EXOC4: variants seen among roughly 807,000 people sequenced by gnomAD.
EXOC4 encodes the protein exocyst complex component 4, also known as SEC8-like 1.
A neutral mutation model predicts 107.2 loss-of-function variants in EXOC4; 71 were observed. That is an observed-to-expected ratio of 0.66 (90% CI 0.55 to 0.81). EXOC4 has a LOEUF of 0.81. EXOC4 is among the 30% of genes least tolerant of loss of function. EXOC4 has a pLI of 0.00. For synonymous variants in EXOC4, 456 were observed against 441.2 expected (o/e 1.03, Z -0.42); for missense variants, 1,108 against 1,189.6 (o/e 0.93, Z 1.01).
chr7:133,675,209 C>G (rs1794028636), intron 10 of EXOC4, among the ~76,000 whole-genome samples: 1 of 152,108 alleles, frequency 6.6e-6, no homozygotes, highest in African/African-American at 2.4e-5. Context: ...TCTTCTCTGT[C>G]AATTCCATTT....
chr7:133,298,874 A>C (rs1396230195), intron 3 of EXOC4, among the ~76,000 whole-genome samples: 1 of 152,218 alleles, frequency 6.6e-6, no homozygotes, highest in Non-Finnish European at 1.5e-5. Flanking sequence ...AGTAAGATCT[A>C]TGAAAGTAAA....
chr7:133,449,944 A>T (rs1402771375), intron 7 of EXOC4, among the ~76,000 whole-genome samples: 1 of 151,812 alleles, frequency 6.6e-6, no homozygotes, highest in Non-Finnish European at 1.5e-5. Flanking sequence ...TTAGTATCCT[A>T]GTTCCTTTAT....
intron 6 of EXOC4, among the ~76,000 whole-genome samples, chr7:133,373,171 C>A (rs986232182): frequency 6.6e-6 from 1 of 152,160 alleles, no homozygotes; most frequent in Non-Finnish European, 1.5e-5. Flanking sequence ...TATTTCCCTG[C>A]ACCACATTAA....
chr7:133,347,638 C>T (rs1298972119), intron 5 of EXOC4, among the ~76,000 whole-genome samples: 1 of 152,150 alleles, frequency 6.6e-6, no homozygotes, highest in African/African-American at 2.4e-5. Context: ...AGAGTTTTAG[C>T]TAAGCCCTCC....
At chr7:133,355,027 A>G (rs1336219395) in intron 5 of EXOC4, among the ~76,000 whole-genome samples, 1 of 152,162 alleles carries the variant, frequency 6.6e-6, no homozygotes, top group African/African-American at 2.4e-5. Context: ...GGGACTGAGG[A>G]GAATGCCCTA....
At chr7:133,596,264 T>C (rs1011721319) in intron 9 of EXOC4, among the ~76,000 whole-genome samples, 6 of 152,316 alleles carry the variant, frequency 3.9e-5, no homozygotes, top group Non-Finnish European at 8.8e-5. Flanking sequence ...TGAGAATTTG[T>C]GTGATTTCTG....
chr7:133,858,319 C>T (rs73155124), intron 11 of EXOC4, among the ~76,000 whole-genome samples: 1 of 152,094 alleles, frequency 6.6e-6, no homozygotes, highest in African/African-American at 2.4e-5. Flanking sequence ...GACGGGCAGT[C>T]GTACCATGTG....
intron 14 of EXOC4, among the ~76,000 whole-genome samples, chr7:133,961,318 G>T (rs1298556282): frequency 9.5e-6 from 1 of 104,742 alleles, no homozygotes; most frequent in African/African-American, 3.8e-5. Flanking sequence ...ATGGAGTGTT[G>T]CTCTGTTGCC....
At chr7:133,703,738 T>G (rs1192371283) in intron 10 of EXOC4, among the ~76,000 whole-genome samples, 1 of 152,202 alleles carries the variant, frequency 6.6e-6, no homozygotes, top group Non-Finnish European at 1.5e-5. Context: ...TTGGCATCCT[T>G]AATTCCTGTA....
chr7:134,052,503 C>T (rs1440610086), intron 17 of EXOC4, among the ~76,000 whole-genome samples: 1 of 151,372 alleles, frequency 6.6e-6, no homozygotes, highest in African/African-American at 2.4e-5. Context: ...TGTATGTCAG[C>T]ATGGAGGATG....
At chr7:133,881,486 G>A (rs896195420) in intron 11 of EXOC4, among the ~76,000 whole-genome samples, 1 of 152,000 alleles carries the variant, frequency 6.6e-6, no homozygotes, top group African/African-American at 2.4e-5. Flanking sequence ...TTTCACCCCA[G>A]TCCAATTAAC....
intron 9 of EXOC4, among the ~76,000 whole-genome samples, chr7:133,602,699 A>T (rs1030640594): frequency 6.6e-6 from 1 of 152,240 alleles, no homozygotes; most frequent in African/African-American, 2.4e-5. Flanking sequence ...ATGGATGAAC[A>T]GATTGAGGAA....
At chr7:133,548,101 C>G (rs1800517889) in intron 9 of EXOC4, among the ~76,000 whole-genome samples, 1 of 152,174 alleles carries the variant, frequency 6.6e-6, no homozygotes, top group South Asian at 2.1e-4. Flanking sequence ...GCTGTATTAG[C>G]AGACATGAAA....
intron 10 of EXOC4, among the ~76,000 whole-genome samples, chr7:133,747,760 A>T (rs1328314219): frequency 6.6e-6 from 1 of 152,088 alleles, no homozygotes; most frequent in African/African-American, 2.4e-5. Flanking sequence ...ATATAACCTG[A>T]CTTCCTAGCC....
At chr7:134,044,859 T>C (rs1795610202) in intron 17 of EXOC4, among the ~76,000 whole-genome samples, 1 of 152,228 alleles carries the variant, frequency 6.6e-6, no homozygotes. Flanking sequence ...CATTTTTGTC[T>C]CCCCAAGCAT....
intron 9 of EXOC4, among the ~76,000 whole-genome samples, chr7:133,604,555 A>T (rs139199562): frequency 1.2e-4 from 19 of 152,176 alleles, no homozygotes; most frequent in African/African-American, 4.6e-4. Flanking sequence ...TGTCTGAAAC[A>T]TCACTGTATG....
intron 10 of EXOC4, among the ~76,000 whole-genome samples, chr7:133,637,636 T>C (rs1239390079): frequency 6.6e-6 from 1 of 152,188 alleles, no homozygotes; most frequent in East Asian, 1.9e-4. Context: ...CTCAGAATTA[T>C]GAAAAAATAT....
intron 14 of EXOC4, among the ~76,000 whole-genome samples, chr7:133,996,714 A>G (rs928339794): frequency 6.6e-6 from 1 of 152,136 alleles, no homozygotes; most frequent in Non-Finnish European, 1.5e-5. Flanking sequence ...GGAATTGATC[A>G]TTCTCTCTAG....
In EXOC4 at chr7:133,573,747, G is replaced by A. The variant is rs974252229; in HGVS notation, c.1418-56298G>A. Among the ~76,000 whole-genome samples, 6 of 151,358 alleles carry A rather than the reference G, an allele frequency of 4.0e-5. No homozygotes were observed. In the South Asian group the frequency reaches 6.4e-4, roughly 16 times the overall value. On this transcript the variant is annotated intron_variant, in intron 9 of 17. Transcript: ENST00000253861. The stretch of plus-strand genomic sequence containing the variant: ...TCACTCACTACAACCTTCCACCCCC[G>A]GCCTCTAGTGATCCTCCCACCTTGG...
Sources: gnomAD v4.1 joint callset for allele counts (sites outside exome capture counted in the v4.1 genomes callset) on GRCh38, gnomAD v4.1.1 for gene constraint, MANE v1.5 for transcripts, NCBI Gene and HGNC (gene_info 2026-07-23, HGNC 2026-07-21) for gene names.